The following RYR2 variants were observed in gnomAD, a reference collection of about 807,000 sequenced individuals.
RYR2 encodes the protein cardiac muscle ryanodine receptor-calcium release channel.
A neutral mutation model predicts 601.1 loss-of-function variants in RYR2; 227 were observed. The ratio of observed to expected loss-of-function variants is 0.38; its 90% CI spans 0.34 to 0.42. The LOEUF is 0.42. RYR2 is among the 10% of genes least tolerant of loss of function. The pLI is 1.00. For synonymous variants in RYR2, 2,223 were observed against 2,175.1 expected (o/e 1.02, Z -0.61); for missense variants, 4,646 against 6,156.5 (o/e 0.75, Z 8.21).
At chr1:237,431,499 A>G (rs1706802816) in intron 12 of RYR2, among the ~76,000 whole-genome samples, 1 of 152,154 alleles carries the variant, frequency 6.6e-6, no homozygotes, top group South Asian at 2.1e-4. Flanking sequence ...AACATATACT[A>G]CTATATTCTT....
intron 16 of RYR2, among the ~76,000 whole-genome samples, chr1:237,461,546 C>T (rs528074041): frequency 1.3e-5 from 2 of 152,132 alleles, no homozygotes; most frequent in East Asian, 1.9e-4. Context: ...CCTCTGATGT[C>T]GCTGATTCTG....
chr1:237,786,133 A>T, intron 91 of RYR2, 97 bp downstream of exon 91: 1 of 757,042 alleles, frequency 1.3e-6, no homozygotes, highest in Non-Finnish European at 2.2e-6. Flanking sequence ...GGAGAATCTC[A>T]TATTGTCAAG....
chr1:237,408,529 C>G (rs913926903), intron 10 of RYR2, among the ~76,000 whole-genome samples: 3 of 151,862 alleles, frequency 2.0e-5, no homozygotes, highest in Non-Finnish European at 2.9e-5. Flanking sequence ...TTCTGTTCCA[C>G]TGACCTGTTT....
intron 1 of RYR2, among the ~76,000 whole-genome samples, chr1:237,229,781 A>G (rs141092512): frequency 9.2e-5 from 14 of 152,270 alleles, no homozygotes; most frequent in Non-Finnish European, 1.8e-4. Context: ...AGGGCTTTAA[A>G]CTGAAGTATA....
intron 71 of RYR2, 110 bp from the exon 72 acceptor site, chr1:237,717,088 G>A (rs1689327618): frequency 1.1e-6 from 1 of 931,354 alleles, no homozygotes; most frequent in African/African-American, 1.7e-5. Flanking sequence ...TTCAAAACTA[G>A]GGAGCAGCAG....
intron 2 of RYR2, among the ~76,000 whole-genome samples, chr1:237,293,341 G>A (rs112323241): frequency 0.11 from 16,426 of 152,056 alleles, 1,913 homozygotes; most frequent in African/African-American, 0.28. Context: ...CAAGTAGCTG[G>A]GACTACAGGC....
At chr1:237,669,829 C>T (rs1266028155) in intron 58 of RYR2, among the ~76,000 whole-genome samples, 1 of 150,390 alleles carries the variant, frequency 6.6e-6, no homozygotes, top group East Asian at 2.0e-4. Flanking sequence ...AGAGGGGCTC[C>T]TCACATCCCA....
rs553779538 is a variant in RYR2, at chr1:237,704,258, C to G, written c.9450-955C>G. Among the ~76,000 whole-genome samples, 45 of 152,158 alleles carry G rather than the reference C, an allele frequency of 3.0e-4. 1 individual carries two copies. The South Asian group carries it at 8.7e-3, about 29-fold the overall frequency. ...TAGAGAATGTCTAGAATGATCATCT[C>G]TGAGATAAGAAGGGAATTTACTAGA... On this transcript the variant is annotated intron_variant, in intron 66 of 104. Transcript: ENST00000366574.
chr1:237,566,532 C>A, intron 27 of RYR2, 35 bp from the exon 28 acceptor site: 1 of 1,594,964 alleles, frequency 6.3e-7, no homozygotes, highest in Non-Finnish European at 8.6e-7. Flanking sequence ...ACCTCCCCAT[C>A]CAATGACCAC....
chr1:237,268,935 C>CAAAAAAAAA (rs1160004017), intron 1 of RYR2, among the ~76,000 whole-genome samples: 1 of 16,212 alleles, frequency 6.2e-5, no homozygotes, highest in Non-Finnish European at 1.2e-4. Flanking sequence ...ACTCTTGTCT[C>CAAAAAAAAA]AAAAAAAAAA....
intron 1 of RYR2, among the ~76,000 whole-genome samples, chr1:237,146,045 T>C (rs1296246984): frequency 2.6e-5 from 4 of 152,358 alleles, no homozygotes; most frequent in South Asian, 2.1e-4. Context: ...AGTGTGTTGA[T>C]AATAGATATT....
At chr1:237,101,431 T>A (rs981586973) in intron 1 of RYR2, among the ~76,000 whole-genome samples, 1 of 152,134 alleles carries the variant, frequency 6.6e-6, no homozygotes, top group African/African-American at 2.4e-5. Flanking sequence ...TTTAACATTC[T>A]TCATCTGTAT....
intron 17 of RYR2, among the ~76,000 whole-genome samples, chr1:237,479,127 A>G (rs1451140204): frequency 6.6e-6 from 1 of 152,186 alleles, no homozygotes; most frequent in Non-Finnish European, 1.5e-5. Flanking sequence ...TCATTAAATC[A>G]CAAAGTGTTT....
intron 62 of RYR2, among the ~76,000 whole-genome samples, chr1:237,684,126 G>C (rs1378620130): frequency 6.6e-6 from 1 of 151,562 alleles, no homozygotes; most frequent in Non-Finnish European, 1.5e-5. Context: ...AGTAGAGATA[G>C]GGTTTCACCA....
At chr1:237,072,222 C>T (rs1223335985) in intron 1 of RYR2, among the ~76,000 whole-genome samples, 3 of 152,224 alleles carry the variant, frequency 2.0e-5, no homozygotes, top group Non-Finnish European at 2.9e-5. Context: ...TTGTGCCTCC[C>T]CCGCTGCAGC....
chr1:237,649,478 G>A (rs187693466), intron 49 of RYR2, among the ~76,000 whole-genome samples: 1 of 152,236 alleles, frequency 6.6e-6, no homozygotes, highest in Admixed American at 6.5e-5. Context: ...GAATAATAAA[G>A]AGAATTCAGA....
intron 1 of RYR2, among the ~76,000 whole-genome samples, chr1:237,233,453 CT>C (rs142446294): frequency 1.3e-5 from 2 of 151,172 alleles, no homozygotes; most frequent in South Asian, 2.1e-4. Context: ...AGGTGGATAG[CT>C]TTTTTTTTCT....
At chr1:237,083,191 C>A (rs1479611707) in intron 1 of RYR2, among the ~76,000 whole-genome samples, 3 of 152,194 alleles carry the variant, frequency 2.0e-5, no homozygotes, top group African/African-American at 7.2e-5. Flanking sequence ...TCTAAGTGTT[C>A]TCTGGCAGTT....
At chr1:237,808,549 A>G (rs1660899462) in intron 99 of RYR2, among the ~76,000 whole-genome samples, 1 of 151,798 alleles carries the variant, frequency 6.6e-6, no homozygotes, top group Non-Finnish European at 1.5e-5. Context: ...AATCCCCACT[A>G]CTCGGGAGGC....
Sources: allele counts gnomAD v4.1 joint callset (sites outside exome capture counted in the v4.1 genomes callset), GRCh38; gene constraint gnomAD v4.1.1; transcripts MANE v1.5; gene names NCBI Gene and HGNC (gene_info 2026-07-23, HGNC 2026-07-21).